GABRR2: variants seen among roughly 807,000 people sequenced by gnomAD.
The protein encoded by GABRR2 is gamma-aminobutyric acid type A receptor subunit rho2, also known as gamma-aminobutyric acid receptor subunit rho-2.
In GABRR2, 36 loss-of-function variants were observed where a neutral mutation model predicts 47.0. The observed-to-expected ratio is 0.77, with a 90% CI of 0.59 to 1.01. GABRR2 has a LOEUF of 1.01. GABRR2 is among the 50% of genes least tolerant of loss of function. The probability of loss-of-function intolerance (pLI) is 0.00; values close to 1 mark genes in which losing one functional copy is unlikely to be tolerated. For synonymous variants in GABRR2, 204 were observed against 227.5 expected, an observed-to-expected ratio of 0.90 and a Z score of 0.93; for missense variants, 587 against 594.6, an observed-to-expected ratio of 0.99 and a Z score of 0.13.
At chr6:89,298,109 T>C (rs1774588504) in intron 2 of GABRR2, among the ~76,000 whole-genome samples, 1 of 152,226 alleles carries the variant, frequency 6.6e-6, no homozygotes, top group South Asian at 2.1e-4. Context: ...ACCAGAAATA[T>C]GGTGGCCTCT....
At chr6:89,259,572 C>T (rs563861694) in intron 8 of GABRR2, among the ~76,000 whole-genome samples, 13 of 151,918 alleles carry the variant, frequency 8.6e-5, no homozygotes, top group African/African-American at 3.1e-4. Flanking sequence ...GGCTCGATCT[C>T]GGCTCATTGC....
At position 89,296,493 on chromosome 6, in the gene GABRR2, G is replaced by A. The variant is rs2127846070; in HGVS notation, c.220+3266C>T. On this transcript the variant is annotated intron_variant, in intron 2 of 8. Transcript: ENST00000402938. Reference sequence around the variant, plus strand: ...CTGCCATGGGGAGGAGGCTTGGAAGGAAGGAGGAGTGGCCCCCACCTATAC... The same window carrying A: ...CTGCCATGGGGAGGAGGCTTGGAAGAAAGGAGGAGTGGCCCCCACCTATAC... 2.0e-5 allele frequency among the ~76,000 whole-genome samples: 3 copies of A among 152,364 alleles called. No individual in the cohort carries two copies. In the South Asian group the frequency reaches 6.2e-4, roughly 32 times the overall value.
At chr6:89,314,954 T>A in intron 1 of GABRR2, 99 bp downstream of exon 1, 1 of 1,012,650 alleles carries the variant, frequency 9.9e-7, no homozygotes, top group Non-Finnish European at 1.5e-6. Context: ...TAGGGCGATA[T>A]CTCAATAGGA....
In GABRR2 at chr6:89,257,019, G is replaced by A. The variant is rs1241409218; in HGVS notation, c.*651C>T. ...TGTAGAATGAGCACAACTTAGAGAAGATCTCTAAGGAAAGAGACTATTTTC... is the reference window on the plus strand; with the variant it reads ...TGTAGAATGAGCACAACTTAGAGAAAATCTCTAAGGAAAGAGACTATTTTC... On this transcript the variant is annotated 3_prime_UTR_variant, in exon 9 of 9. Transcript: ENST00000402938. Among the ~76,000 whole-genome samples, 4 of 152,132 alleles carry A rather than the reference G, an allele frequency of 2.6e-5. No homozygotes were observed. The highest frequency in any genetic ancestry group is 9.7e-5 in the African/African-American group (4 of 41,422).
chr6:89,294,602 T>C (rs1020416507), intron 2 of GABRR2, among the ~76,000 whole-genome samples: 1 of 151,830 alleles, frequency 6.6e-6, no homozygotes, highest in African/African-American at 2.4e-5. Flanking sequence ...AAGGGGGTGT[T>C]AGGCTGAGCC....
rs954770731 is a variant in GABRR2, at chr6:89,290,604, C to T, written c.220+9155G>A. ...GCCTCACAGACTCGACACTCTGAGCCGGGTGTGGGGCCCGAGCAGGGCCCC... is the reference window on the plus strand; with the variant it reads ...GCCTCACAGACTCGACACTCTGAGCTGGGTGTGGGGCCCGAGCAGGGCCCC... On this transcript the variant is annotated intron_variant, in intron 2 of 8. Coordinates refer to ENST00000402938, the MANE Select transcript of GABRR2 (RefSeq NM_002043.5). Among the ~76,000 whole-genome samples, 17 of 152,196 alleles carry T rather than the reference C, an allele frequency of 1.1e-4. No individual in the cohort carries two copies. The South Asian group carries it at 1.9e-3, about 17-fold the overall frequency.
chr6:89,308,520 A>G (rs1466302762), intron 1 of GABRR2, among the ~76,000 whole-genome samples: 1 of 152,272 alleles, frequency 6.6e-6, no homozygotes, highest in East Asian at 1.9e-4. Context: ...ATAATCACCA[A>G]AAGTTTTATT....
intron 6 of GABRR2, among the ~76,000 whole-genome samples, chr6:89,266,838 A>C (rs998258488): frequency 6.6e-6 from 1 of 152,050 alleles, no homozygotes; most frequent in African/African-American, 2.4e-5. Context: ...TTTTTTGAAT[A>C]GAGACAGGGT....
In GABRR2 at chr6:89,299,846, G is replaced by T. The variant is rs376908988; in HGVS notation, c.133C>A (p.Leu45Ile). 6 of 1,612,788 alleles carry T rather than the reference G, an allele frequency of 3.7e-6. No homozygotes were observed. The highest frequency in any genetic ancestry group is 3.3e-5 in the Admixed American group (2 of 60,008). The change falls in exon 2 of 9, where the codon CTT becomes ATT. Residue 45 changes from leucine (L) to isoleucine (I), a missense_variant. By Grantham distance (5) the Leu-to-Ile change is conservative. Coordinates refer to ENST00000402938, the MANE Select transcript of GABRR2 (RefSeq NM_002043.5). ...PKPSHLYKKN[L>I]DVTKIRKGKP... Reference sequence around the variant, plus strand: ...CCCTTCCGGATCTTGGTCACATCAAGGTTCTTCTTATATAAGTGACTGTGA... The same window carrying T: ...CCCTTCCGGATCTTGGTCACATCAATGTTCTTCTTATATAAGTGACTGTGA...
chr6:89,260,803 C>T (rs550665093), intron 8 of GABRR2, among the ~76,000 whole-genome samples: 2 of 152,244 alleles, frequency 1.3e-5, no homozygotes, highest in African/African-American at 4.8e-5. Flanking sequence ...GAGGTGATTC[C>T]AGGGAAGGTA....
At chr6:89,303,379 A>G (rs1310253100) in intron 1 of GABRR2, among the ~76,000 whole-genome samples, 1 of 151,496 alleles carries the variant, frequency 6.6e-6, no homozygotes, top group Non-Finnish European at 1.5e-5. Flanking sequence ...TTGTGTTTAT[A>G]TTTTCAGGGA....
chr6:89,301,811 G>A, intron 1 of GABRR2: 1 of 907,534 alleles, frequency 1.1e-6, no homozygotes, highest in Non-Finnish European at 1.8e-6. Context: ...ATTCAGGCCG[G>A]CCAGTGCGGC....
At chr6:89,310,860 G>A (rs1767668951) in intron 1 of GABRR2, among the ~76,000 whole-genome samples, 1 of 152,124 alleles carries the variant, frequency 6.6e-6, no homozygotes, top group South Asian at 2.1e-4. Context: ...CAAAGGTAAT[G>A]GGAAGACAAC....
At chr6:89,307,023 T>G (rs138639963) in intron 1 of GABRR2, among the ~76,000 whole-genome samples, 1 of 152,292 alleles carries the variant, frequency 6.6e-6, no homozygotes, top group African/African-American at 2.4e-5. Flanking sequence ...CCATTGCACT[T>G]AGCACAATGC....
intron 2 of GABRR2, among the ~76,000 whole-genome samples, chr6:89,286,663 G>A (rs1035617331): frequency 1.3e-5 from 2 of 152,082 alleles, no homozygotes; most frequent in Admixed American, 1.3e-4. Context: ...TGGTGACCTC[G>A]ATGGTCACCT....
intron 2 of GABRR2, among the ~76,000 whole-genome samples, chr6:89,288,057 T>A (rs1239530821): frequency 6.6e-6 from 1 of 152,152 alleles, no homozygotes; most frequent in Non-Finnish European, 1.5e-5. Flanking sequence ...TCTCTGCAAA[T>A]TTTTTAACAC....
At chr6:89,276,065 AAAATAT>A (rs1437188580) in intron 2 of GABRR2, among the ~76,000 whole-genome samples, 4 of 147,938 alleles carry the variant, frequency 2.7e-5, no homozygotes, top group Non-Finnish European at 6.0e-5. Flanking sequence ...ATTATAATAT[AAAATAT>A]AAATATAAAT....
intron 1 of GABRR2, among the ~76,000 whole-genome samples, chr6:89,306,233 C>A (rs1186743538): frequency 6.6e-6 from 1 of 151,602 alleles, no homozygotes; most frequent in Admixed American, 6.6e-5. Flanking sequence ...ATGTAATAAC[C>A]AAGTGTGATG....
chr6:89,303,055 GA>G, intron 1 of GABRR2: 1 of 955,642 alleles, frequency 1.0e-6, no homozygotes, highest in Non-Finnish European at 1.6e-6. Flanking sequence ...CATGGCCCAG[GA>G]GGAGGGTGAG....
Sources: allele counts gnomAD v4.1 joint callset (sites outside exome capture counted in the v4.1 genomes callset), GRCh38; gene constraint gnomAD v4.1.1; transcripts MANE v1.5; gene names NCBI Gene and HGNC (gene_info 2026-07-23, HGNC 2026-07-21).